The following IL1RAPL1 variants were observed in gnomAD, a reference collection of about 807,000 sequenced individuals.
IL1RAPL1 encodes the protein interleukin 1 receptor accessory protein like 1.
A neutral mutation model predicts 48.4 loss-of-function variants in IL1RAPL1; 3 were observed. The observed-to-expected ratio is 0.06, with a 90% CI of 0.03 to 0.16. The LOEUF (loss-of-function observed/expected upper bound fraction) is 0.16. Among genes scored for constraint, IL1RAPL1 ranks in the 10% least tolerant of loss-of-function variants. The pLI, the probability that IL1RAPL1 is intolerant of heterozygous loss-of-function variation, is 1.00. For synonymous variants in IL1RAPL1, 185 were observed against 187.7 expected, an observed-to-expected ratio of 0.99 and a Z score of 0.12; for missense variants, 349 against 530.6, an observed-to-expected ratio of 0.66 and a Z score of 3.36.
chrX:29,787,305 G>A (rs1440109527), intron 6 of IL1RAPL1, among the ~76,000 whole-genome samples: 2 of 111,779 alleles, frequency 1.8e-5, no homozygotes, highest in African/African-American at 6.5e-5. Flanking sequence ...TAAGGGCAAA[G>A]CAAGAGACCT....
chrX:29,707,984 A>G (rs1927245890), intron 6 of IL1RAPL1, among the ~76,000 whole-genome samples: 1 of 110,506 alleles, frequency 9.0e-6, no homozygotes, highest in African/African-American at 3.3e-5. Context: ...TATAACAGGA[A>G]AAAAAATTGC....
intron 6 of IL1RAPL1, among the ~76,000 whole-genome samples, chrX:29,703,904 T>G (rs1412791186): frequency 2.7e-5 from 3 of 111,311 alleles, no homozygotes; most frequent in African/African-American, 9.8e-5. Flanking sequence ...AAACTAACAA[T>G]GCTAGTTTTA....
chrX:29,295,666 G>T (rs1019310576), intron 3 of IL1RAPL1, among the ~76,000 whole-genome samples: 1 of 111,534 alleles, frequency 9.0e-6, no homozygotes, highest in Non-Finnish European at 1.9e-5. Context: ...CAGAGCGGAT[G>T]TATTGGCTGC....
At chrX:29,445,673 A>T (rs1934603791) in intron 5 of IL1RAPL1, among the ~76,000 whole-genome samples, 3 of 112,101 alleles carry the variant, frequency 2.7e-5, no homozygotes, top group Non-Finnish European at 5.6e-5. Flanking sequence ...CCACTGCCTG[A>T]CCCGTTATAT....
intron 1 of IL1RAPL1, among the ~76,000 whole-genome samples, chrX:28,605,832 A>G (rs1379078489): frequency 5.4e-5 from 6 of 111,486 alleles, no homozygotes; most frequent in Non-Finnish European, 9.4e-5. Context: ...TGTTCTTTGA[A>G]GGTGACAGGT....
chrX:28,902,746 G>C, intron 2 of IL1RAPL1, among the ~76,000 whole-genome samples: 1 of 111,756 alleles, frequency 8.9e-6, no homozygotes, highest in Admixed American at 9.6e-5. Context: ...TATATGGCCT[G>C]TTAGGAACTG....
chrX:29,118,461 GT>G (rs1277079570), intron 2 of IL1RAPL1, among the ~76,000 whole-genome samples: 1 of 111,594 alleles, frequency 9.0e-6, no homozygotes, highest in African/African-American at 3.2e-5. Context: ...TCACTCTATT[GT>G]GTACCCAGTA....
chrX:29,049,870 C>T (rs1927055066), intron 2 of IL1RAPL1, among the ~76,000 whole-genome samples: 2 of 112,346 alleles, frequency 1.8e-5, no homozygotes, highest in Non-Finnish European at 3.8e-5. Context: ...AACTGTGGTA[C>T]ATTCGTTAAA....
At chrX:29,336,694 GAGAAATGTGATTAGACAAA>G (rs1055918763) in intron 3 of IL1RAPL1, among the ~76,000 whole-genome samples, 1 of 111,336 alleles carries the variant, frequency 9.0e-6, no homozygotes, top group African/African-American at 3.3e-5. Flanking sequence ...GACAGGTGTG[GAGAAATGTGATTAGACAAA>G]AGGGTATGAT....
chrX:29,928,493 C>G (rs1370898979), intron 8 of IL1RAPL1, among the ~76,000 whole-genome samples: 1 of 112,115 alleles, frequency 8.9e-6, no homozygotes, highest in Non-Finnish European at 1.9e-5. Context: ...ACAAATCTCA[C>G]TTCACTGCAG....
chrX:28,981,496 A>C, intron 2 of IL1RAPL1, among the ~76,000 whole-genome samples: 1 of 112,024 alleles, frequency 8.9e-6, no homozygotes, highest in Non-Finnish European at 1.9e-5. Flanking sequence ...GCAAAGAAAT[A>C]TATTAAGGCA....
In IL1RAPL1 at chrX:29,834,236, AT is replaced by A. The variant is rs781752657; in HGVS notation, c.779-83222del. ...AAAAACAGCTTAACAATGCATTCTT[AT>A]TTTTTATTCTGCTTTTAAAGGGCAT... On this transcript the variant is annotated intron_variant, in intron 6 of 10. Transcript: ENST00000378993. Among the ~76,000 whole-genome samples, 12 of 111,893 alleles carry A rather than the reference AT, an allele frequency of 1.1e-4. No homozygotes were observed. In the South Asian group the frequency reaches 4.5e-3, roughly 42 times the overall value.
chrX:29,717,371 C>T (rs1331707876), intron 6 of IL1RAPL1, among the ~76,000 whole-genome samples: 1 of 111,706 alleles, frequency 9.0e-6, no homozygotes. Flanking sequence ...CTCTGAAATG[C>T]GTGTTTTAAA....
chrX:29,039,865 C>G (rs758761520), intron 2 of IL1RAPL1, among the ~76,000 whole-genome samples: 1 of 108,999 alleles, frequency 9.2e-6, no homozygotes, highest in Non-Finnish European at 1.9e-5. Context: ...TTAAAGTTGC[C>G]TGATTTAGCA....
intron 2 of IL1RAPL1, among the ~76,000 whole-genome samples, chrX:29,082,586 T>C (rs1461374848): frequency 8.9e-6 from 1 of 112,118 alleles, no homozygotes; most frequent in East Asian, 2.8e-4. Context: ...TAGCTTTGGA[T>C]AACCATGCAC....
At chrX:28,590,615 C>T (rs1041710111) in intron 1 of IL1RAPL1, among the ~76,000 whole-genome samples, 1 of 111,771 alleles carries the variant, frequency 8.9e-6, no homozygotes, top group African/African-American at 3.3e-5. Context: ...TTCCTTCCTT[C>T]AGGGGTCAGG....
intron 5 of IL1RAPL1, among the ~76,000 whole-genome samples, chrX:29,460,307 C>G (rs1169205812): frequency 8.9e-6 from 1 of 111,875 alleles, no homozygotes; most frequent in Non-Finnish European, 1.9e-5. Context: ...TTTATATCTC[C>G]CCACCTGGAG....
At chrX:29,399,399 A>G in intron 5 of IL1RAPL1, 91 bp downstream of exon 5, 1 of 721,124 alleles carries the variant, frequency 1.4e-6, no homozygotes. Context: ...TTTACTCTCT[A>G]AAGAATTACA....
In IL1RAPL1 at chrX:29,386,370, G is replaced by C. The variant is rs932221724; in HGVS notation, c.363-9888G>C. Reference sequence around the variant, plus strand: ...GATAATACCCATCCCAGTGTTTGAGGTGGTATTGAAAGGTAAAGCTTTCTA... The same window carrying C: ...GATAATACCCATCCCAGTGTTTGAGCTGGTATTGAAAGGTAAAGCTTTCTA... On this transcript the variant is annotated intron_variant, in intron 3 of 10. Coordinates refer to ENST00000378993, the MANE Select transcript of IL1RAPL1 (RefSeq NM_014271.4). 3.6e-5 allele frequency among the ~76,000 whole-genome samples: 4 copies of C among 110,468 alleles called. No individual in the cohort carries two copies. The East Asian group carries it at 1.1e-3, about 31-fold the overall frequency.
Sources: gnomAD v4.1 joint callset for allele counts (sites outside exome capture counted in the v4.1 genomes callset) on GRCh38, gnomAD v4.1.1 for gene constraint, MANE v1.5 for transcripts, NCBI Gene and HGNC (gene_info 2026-07-23, HGNC 2026-07-21) for gene names.